ABTB3: variants seen among roughly 807,000 people sequenced by gnomAD.
ABTB3 encodes ankyrin repeat and BTB domain containing 3.
the ABTB3 span, among the ~76,000 whole-genome samples, chr12:107,443,733 C>CTATA: frequency 6.7e-6 from 1 of 148,980 alleles, no homozygotes; most frequent in Non-Finnish European, 1.5e-5. Context: ...ATAATCTAAG[C>CTATA]TATAGTCTGT....
At chr12:107,373,075 G>A in the ABTB3 span, among the ~76,000 whole-genome samples, 1 of 152,264 alleles carries the variant, frequency 6.6e-6, no homozygotes, top group African/African-American at 2.4e-5. Context: ...AATGCCTCCA[G>A]ACATTGCTAA....
chr12:107,567,023 G>A, the ABTB3 span, among the ~76,000 whole-genome samples: 2 of 152,084 alleles, frequency 1.3e-5, no homozygotes, highest in African/African-American at 2.4e-5. Context: ...AAGCTGAGGT[G>A]GGAGGATCAT....
chr12:107,653,956 C>G, the ABTB3 span, among the ~76,000 whole-genome samples: 260 of 152,288 alleles, frequency 1.7e-3, 2 homozygotes, highest in African/African-American at 5.9e-3. Context: ...CTCCCCTCCC[C>G]CAGGCCCGGG....
chr12:107,497,910 G>C, the ABTB3 span, among the ~76,000 whole-genome samples: 2 of 152,100 alleles, frequency 1.3e-5, no homozygotes, highest in South Asian at 2.1e-4. Context: ...CGTGGAGCCT[G>C]ACCTTGCTGT....
the ABTB3 span, among the ~76,000 whole-genome samples, chr12:107,320,898 T>C: frequency 6.6e-6 from 1 of 151,960 alleles, no homozygotes; most frequent in Non-Finnish European, 1.5e-5. Flanking sequence ...GTTTAGGGCG[T>C]CGTTTCCAGC....
the ABTB3 span, among the ~76,000 whole-genome samples, chr12:107,554,780 T>C: frequency 6.6e-6 from 1 of 152,328 alleles, no homozygotes; most frequent in African/African-American, 2.4e-5. Context: ...GGGACAACAC[T>C]GTGAATAACA....
the ABTB3 span, among the ~76,000 whole-genome samples, chr12:107,419,304 C>T: frequency 6.6e-6 from 1 of 152,206 alleles, no homozygotes; most frequent in Non-Finnish European, 1.5e-5. Flanking sequence ...CAGGCACTGA[C>T]CTGCTGGGTC....
chr12:107,627,640 A>G, the ABTB3 span, among the ~76,000 whole-genome samples: 1 of 152,200 alleles, frequency 6.6e-6, no homozygotes, highest in Non-Finnish European at 1.5e-5. Flanking sequence ...CATAGCCTGC[A>G]GCCATGGTGA....
the ABTB3 span, among the ~76,000 whole-genome samples, chr12:107,425,749 C>T: frequency 6.6e-6 from 1 of 152,200 alleles, no homozygotes; most frequent in Non-Finnish European, 1.5e-5. Context: ...GCCTGTGAAC[C>T]CAGCGGCCTA....
At chr12:107,431,681 T>A in the ABTB3 span, among the ~76,000 whole-genome samples, 1 of 150,308 alleles carries the variant, frequency 6.7e-6, no homozygotes, top group South Asian at 2.2e-4. Flanking sequence ...TTTTGTGGGG[T>A]GGGGGCAGCA....
chr12:107,377,179 T>A, the ABTB3 span, among the ~76,000 whole-genome samples: 1 of 152,144 alleles, frequency 6.6e-6, no homozygotes, highest in East Asian at 1.9e-4. Flanking sequence ...AGGCAGCCCA[T>A]GTCCAGGGAC....
chr12:107,405,062 C>T, the ABTB3 span, among the ~76,000 whole-genome samples: 1 of 152,296 alleles, frequency 6.6e-6, no homozygotes, highest in East Asian at 1.9e-4. Context: ...TTTTCTGCAA[C>T]ATTCTGCTTT....
chr12:107,520,466 CT>C, the ABTB3 span: 4 of 1,609,126 alleles, frequency 2.5e-6, no homozygotes, highest in Non-Finnish European at 3.4e-6. Flanking sequence ...CTTTCATTCT[CT>C]GTCTCCCTTC....
chr12:107,622,496 T>C, the ABTB3 span, among the ~76,000 whole-genome samples: 2 of 152,230 alleles, frequency 1.3e-5, no homozygotes, highest in Non-Finnish European at 2.9e-5. Context: ...TTTTTTTCTT[T>C]TTTAAAACAA....
chr12:107,425,036 G>A, the ABTB3 span, among the ~76,000 whole-genome samples: 8 of 152,056 alleles, frequency 5.3e-5, no homozygotes, highest in African/African-American at 1.4e-4. Flanking sequence ...ATCCAGACCC[G>A]GTCATCTCAC....
At chr12:107,490,685 G>A in the ABTB3 span, among the ~76,000 whole-genome samples, 1 of 152,168 alleles carries the variant, frequency 6.6e-6, no homozygotes, top group East Asian at 1.9e-4. Context: ...CATTACTGCA[G>A]TCCTGTGACA....
chr12:107,585,720 T>TG, the ABTB3 span, among the ~76,000 whole-genome samples: 3 of 152,228 alleles, frequency 2.0e-5, no homozygotes, highest in Admixed American at 2.0e-4. Flanking sequence ...AGGTGAAGGC[T>TG]GGGCCTCAAC....
At chr12:107,319,690 G>T in the ABTB3 span, 1 of 1,534,890 alleles carries the variant, frequency 6.5e-7, no homozygotes, top group Non-Finnish European at 8.7e-7. Flanking sequence ...ACATCTACTC[G>T]CGGGTCGTGG....
the ABTB3 span, among the ~76,000 whole-genome samples, chr12:107,627,459 C>T: frequency 1.3e-5 from 2 of 152,200 alleles, no homozygotes; most frequent in South Asian, 4.1e-4. Flanking sequence ...GATGATAGCC[C>T]TGAGGCCCAA....
Sources: allele counts gnomAD v4.1 joint callset (sites outside exome capture counted in the v4.1 genomes callset), GRCh38; gene constraint gnomAD v4.1.1; transcripts MANE v1.5; gene names NCBI Gene and HGNC (gene_info 2026-07-23, HGNC 2026-07-21).